Variants in XKR4 observed in about 807,000 individuals in gnomAD.
XKR4 encodes XK related 4.
In XKR4, 12 loss-of-function variants were observed where a neutral mutation model predicts 53.9. The observed-to-expected ratio is 0.22, with a 90% confidence interval of 0.14 to 0.36. The LOEUF (loss-of-function observed/expected upper bound fraction) is 0.36, where lower values mean the gene tolerates loss of function less well. XKR4 is among the 10% of genes least tolerant of loss of function. XKR4 has a pLI of 1.00. For synonymous variants in XKR4, 354 were observed against 362.4 expected (o/e 0.98, Z 0.26); for missense variants, 799 against 859.5 (o/e 0.93, Z 0.88).
chr8:55,506,571 G>T lies in XKR4; in HGVS notation c.1007-16710G>T, dbSNP rs902515951. On this transcript the variant is annotated intron_variant, in intron 2 of 2. Transcript: ENST00000327381. Reference sequence around the variant, plus strand: ...CCATCTTTGTTTAAGATCTCATCTTGTTAATAGTGTAGAGATAATTTAATG... The same window carrying T: ...CCATCTTTGTTTAAGATCTCATCTTTTTAATAGTGTAGAGATAATTTAATG... 2.6e-5 allele frequency among the ~76,000 whole-genome samples: 4 copies of T among 152,150 alleles called. No individual in the cohort carries two copies. In the East Asian group the frequency reaches 7.7e-4, roughly 29 times the overall value.
rs544768663 is a variant in XKR4, at chr8:55,247,815, T to C, written c.807-109863T>C. Among the ~76,000 whole-genome samples the C allele has an allele frequency of 5.0e-5, 7 of 140,750 alleles. No homozygotes were observed. In the South Asian group the frequency reaches 1.4e-3, roughly 27 times the overall value. The allele number at this position is 140,750 out of a possible 152,430, so 92.3% of individuals were successfully genotyped here. On this transcript the variant is annotated intron_variant, in intron 1 of 2. Coordinates refer to ENST00000327381, the MANE Select transcript of XKR4 (RefSeq NM_052898.2). ...AGTAACCAGTACAGAACCACTTACA[T>C]TATTAATTTTAATTTTTCTTTTTCT...
chr8:55,475,626 T>C (rs2129400568), intron 2 of XKR4, among the ~76,000 whole-genome samples: 1 of 147,494 alleles, frequency 6.8e-6, no homozygotes, highest in African/African-American at 2.5e-5. Flanking sequence ...TTATTTGAGA[T>C]GGAGTCTCAC....
At chr8:55,257,635 A>C (rs1411801490) in intron 1 of XKR4, among the ~76,000 whole-genome samples, 2 of 152,208 alleles carry the variant, frequency 1.3e-5, no homozygotes, top group Admixed American at 6.5e-5. Flanking sequence ...TATATGCAGA[A>C]TCAATATTAT....
chr8:55,208,757 A>G lies in XKR4; in HGVS notation c.806+105463A>G, dbSNP rs570825460. Among the ~76,000 whole-genome samples the G allele has an allele frequency of 1.1e-4, 17 of 152,160 alleles. No homozygotes were observed. In the South Asian group the frequency reaches 3.5e-3, roughly 32 times the overall value. On this transcript the variant is annotated intron_variant, in intron 1 of 2. Coordinates refer to ENST00000327381, the MANE Select transcript of XKR4 (RefSeq NM_052898.2). ...TAGGATTACAGGCATGAGCCACCACACCCAGCCTAGTTTGTTTTCTTTTGT... is the reference window on the plus strand; with the variant it reads ...TAGGATTACAGGCATGAGCCACCACGCCCAGCCTAGTTTGTTTTCTTTTGT...
intron 2 of XKR4, among the ~76,000 whole-genome samples, chr8:55,428,406 C>A (rs967413503): frequency 6.6e-6 from 1 of 152,100 alleles, no homozygotes; most frequent in Non-Finnish European, 1.5e-5. Context: ...GAGAGACATC[C>A]CAGCAAGACA....
intron 1 of XKR4, among the ~76,000 whole-genome samples, chr8:55,125,817 A>G (rs1258668660): frequency 6.6e-6 from 1 of 152,182 alleles, no homozygotes; most frequent in Non-Finnish European, 1.5e-5. Context: ...TTCATTTATG[A>G]GTAAATAAAT....
chr8:55,102,942 G>C lies in XKR4; in HGVS notation c.454G>C (p.Val152Leu), dbSNP rs756999924. ...RWWFGLTLFF[V>L]VLGSLSVQVF... ...GTGGTTCGGGCTCACGCTCTTCTTC[G>C]TGGTGCTCGGCTCTCTGTCGGTGCA... The change falls in exon 1 of 3, where the codon GTG becomes CTG. Residue 152 changes from valine to leucine, a missense_variant. By Grantham distance (32) the Val-to-Leu change is conservative. Transcript: ENST00000327381. The surrounding 1 kb of genome is among the most constrained non-coding windows in gnomAD (Gnocchi z 5.1). 1.2e-6 allele frequency: 2 copies of C among 1,611,546 alleles called. No individual in the cohort carries two copies. Among genetic ancestry groups the C allele is most frequent in the Admixed American group, 3.3e-5 (2 of 60,022 alleles).
At chr8:55,368,842 C>A (rs988250851) in intron 2 of XKR4, among the ~76,000 whole-genome samples, 1 of 152,190 alleles carries the variant, frequency 6.6e-6, no homozygotes, top group East Asian at 1.9e-4. Flanking sequence ...CTAGCCAATA[C>A]AGACTGCTCA....
Position 55,528,669 on chromosome 8 carries a change from C to G in XKR4, c.*4442C>G, listed in dbSNP as rs149967717. ...ATTATAGCTCAGAGGATGGTTGAAG[C>G]GCATGGTGAAAACACAGGAGGACTG... On this transcript the variant is annotated 3_prime_UTR_variant, in exon 3 of 3. Transcript: ENST00000327381. 1 of 152,110 alleles carries G rather than the reference C, an allele frequency of 6.6e-6. No homozygotes were observed. The highest frequency in any genetic ancestry group is 1.5e-5 in the Non-Finnish European group (1 of 68,026). 9.4% of individuals were successfully genotyped at this position (152,110 alleles called of 1,614,324 possible).
chr8:55,315,147 C>T (rs983256766), intron 1 of XKR4, among the ~76,000 whole-genome samples: 6 of 152,128 alleles, frequency 3.9e-5, no homozygotes, highest in Admixed American at 2.6e-4. Flanking sequence ...GACAGGGAGA[C>T]CTATTTTAAA....
At chr8:55,177,027 CCTT>C (rs201543244) in intron 1 of XKR4, among the ~76,000 whole-genome samples, 10 of 151,556 alleles carry the variant, frequency 6.6e-5, no homozygotes, top group East Asian at 5.9e-4. Flanking sequence ...AGTGGTCTAC[CCTT>C]CTTCTTCTTC....
chr8:55,345,516 T>G (rs1161753113), intron 1 of XKR4, among the ~76,000 whole-genome samples: 1 of 152,180 alleles, frequency 6.6e-6, no homozygotes, highest in East Asian at 1.9e-4. Flanking sequence ...GTGCAGCTCA[T>G]GGGTCAAGTG....
intron 2 of XKR4, among the ~76,000 whole-genome samples, chr8:55,468,981 A>G (rs1432650127): frequency 6.6e-6 from 1 of 152,016 alleles, no homozygotes; most frequent in Non-Finnish European, 1.5e-5. Flanking sequence ...CTCTCGAACT[A>G]CTTGGTTTCC....
At chr8:55,509,222 T>C (rs544350406) in intron 2 of XKR4, among the ~76,000 whole-genome samples, 7 of 152,318 alleles carry the variant, frequency 4.6e-5, no homozygotes, top group African/African-American at 1.7e-4. Context: ...AGACAACACC[T>C]GACCAAGGTT....
At chr8:55,347,260 A>G (rs910508975) in intron 1 of XKR4, among the ~76,000 whole-genome samples, 20 of 152,186 alleles carry the variant, frequency 1.3e-4, no homozygotes, top group African/African-American at 4.8e-4. Flanking sequence ...GCTGTTTAGC[A>G]CTTGGAAAAT....
intron 2 of XKR4, among the ~76,000 whole-genome samples, chr8:55,515,089 ACT>A (rs559050511): frequency 2.4e-3 from 366 of 151,962 alleles, no homozygotes; most frequent in Non-Finnish European, 3.9e-3. Flanking sequence ...ACTTCCTCCA[ACT>A]CTTTTTATAT....
At chr8:55,343,744 A>G (rs935337323) in intron 1 of XKR4, among the ~76,000 whole-genome samples, 24 of 152,270 alleles carry the variant, frequency 1.6e-4, no homozygotes, top group African/African-American at 5.3e-4. Flanking sequence ...GGGTTCTTTT[A>G]TTCTCCATCT....
At chr8:55,383,438 A>T (rs1804264029) in intron 2 of XKR4, among the ~76,000 whole-genome samples, 1 of 152,206 alleles carries the variant, frequency 6.6e-6, no homozygotes, top group South Asian at 2.1e-4. Flanking sequence ...AAGGAGAAGG[A>T]GAGGAAATCA....
At chr8:55,478,585 A>G (rs1052286457) in intron 2 of XKR4, among the ~76,000 whole-genome samples, 4 of 152,198 alleles carry the variant, frequency 2.6e-5, no homozygotes, top group African/African-American at 9.7e-5. Flanking sequence ...AAATGCTCCA[A>G]TTAAAAGACA....
Sources: gnomAD v4.1 joint callset for allele counts (sites outside exome capture counted in the v4.1 genomes callset) on GRCh38, gnomAD v4.1.1 for gene constraint, Gnocchi (gnomAD v3.1) non-coding constraint, MANE v1.5 for transcripts, NCBI Gene and HGNC (gene_info 2026-07-23, HGNC 2026-07-21) for gene names.